The following PLEKHH1 variants were observed in gnomAD, a reference collection of about 807,000 sequenced individuals.
PLEKHH1 encodes pleckstrin homology domain-containing family H member 1.
In PLEKHH1, 104 loss-of-function variants were observed where a neutral mutation model predicts 160.0. That is an observed-to-expected ratio of 0.65 (90% CI 0.55 to 0.76). PLEKHH1 has a LOEUF of 0.76. Among genes scored for constraint, PLEKHH1 ranks in the 30% least tolerant of loss-of-function variants. The probability of loss-of-function intolerance (pLI) is 0.00; values close to 1 mark genes in which losing one functional copy is unlikely to be tolerated. For missense variants in PLEKHH1, 1,427 were observed against 1,724.1 expected (o/e 0.83, Z 3.05); for synonymous variants, 619 against 678.4 (o/e 0.91, Z 1.36).
chr14:67,585,635 T>C lies in PLEKHH1; in HGVS notation c.3767T>C (p.Ile1256Thr). ...WIAVNEDGVS[I>T]LDHNTMQVHI... ...GCTGTGAATGAGGATGGCGTCAGCA[T>C]CCTGGACCACAACACTATGGTATGA... The change falls in exon 27 of 29, where the codon ATC becomes ACC. Residue 1256 changes from isoleucine to threonine, a missense_variant. Ile to Thr is a moderately conservative substitution (Grantham distance 89, BLOSUM62 -1). This residue lies in a region of PLEKHH1 where 56 missense variants were observed against 53.0 expected (regional missense o/e 1.06). Transcript: ENST00000329153. 6.4e-7 allele frequency: 1 copy of C among 1,573,536 alleles called. No individual in the cohort carries two copies. The highest frequency in any genetic ancestry group is 8.6e-7 in the Non-Finnish European group (1 of 1,157,562).
In PLEKHH1 at chr14:67,576,878, G is replaced by T. The variant is rs2035645131; in HGVS notation, c.2461+375G>T. Among the ~76,000 whole-genome samples, 1 of 152,184 alleles carries T rather than the reference G, an allele frequency of 6.6e-6. No individual in the cohort carries two copies. Among genetic ancestry groups the T allele is most frequent in the South Asian group, 2.1e-4 (1 of 4,822 alleles). Reference sequence around the variant, plus strand: ...TTGGGATCGGACTAACCTGTTTGGAGTCTTTCTTTTGCTACTGATTATCAG... The same window carrying T: ...TTGGGATCGGACTAACCTGTTTGGATTCTTTCTTTTGCTACTGATTATCAG... On this transcript the variant is annotated intron_variant, in intron 17 of 28. Transcript: ENST00000329153. The surrounding 1 kb of genome is among the most constrained non-coding windows in gnomAD (Gnocchi z 4.0).
intron 1 of PLEKHH1, among the ~76,000 whole-genome samples, chr14:67,538,677 C>G (rs2033842770): frequency 6.6e-6 from 1 of 152,102 alleles, no homozygotes; most frequent in Non-Finnish European, 1.5e-5. Context: ...TATTTCAAAA[C>G]CTCTCTGCTC....
chr14:67,572,082 C>T (rs775033420), intron 10 of PLEKHH1, 53 bp from the exon 11 acceptor site: 43 of 1,563,976 alleles, frequency 2.7e-5, no homozygotes, highest in Admixed American at 3.7e-5. Flanking sequence ...TCCTGGGCTG[C>T]GTGAGTCGGG....
At chr14:67,559,282 CCT>C (rs1213325079) in intron 4 of PLEKHH1, among the ~76,000 whole-genome samples, 7 of 152,104 alleles carry the variant, frequency 4.6e-5, no homozygotes, top group Non-Finnish European at 1.0e-4. Flanking sequence ...TGACAAGTCA[CCT>C]CTCTCTCCCT....
chr14:67,587,427 A>G lies in PLEKHH1; in HGVS notation c.*192A>G, dbSNP rs2036223900. 1 of 636,362 alleles carries G rather than the reference A, an allele frequency of 1.6e-6. No individual in the cohort carries two copies. The highest frequency in any genetic ancestry group is 2.8e-5 in the Admixed American group (1 of 35,558). The allele number at this position is 636,362 out of a possible 1,614,324, so 39.4% of individuals were successfully genotyped here. ...AATGTTTCAGGGCTCAACTTTTTAAAATCCAGACCCAGTGTTAAAACCATT... is the reference window on the plus strand; with the variant it reads ...AATGTTTCAGGGCTCAACTTTTTAAGATCCAGACCCAGTGTTAAAACCATT... On this transcript the variant is annotated 3_prime_UTR_variant, in exon 29 of 29. Coordinates refer to ENST00000329153, the MANE Select transcript of PLEKHH1 (RefSeq NM_020715.3).
Position 67,541,967 on chromosome 14 carries a change from A to G in PLEKHH1, c.100A>G (p.Lys34Glu). 3.1e-6 allele frequency: 5 copies of G among 1,607,530 alleles called. No homozygotes were observed. The highest frequency in any genetic ancestry group is 3.4e-6 in the Non-Finnish European group (4 of 1,177,206). Reference protein sequence around the residue: ...QLFRFRLQASKIRELLADKMQ... With the variant: ...QLFRFRLQASEIRELLADKMQ... ...TTTCCGGTTCCGCCTACAGGCCAGC[A>G]AGATAAGGGAGCTGCTGGCTGACAA... Residue 34 changes from lysine to glutamate, a missense_variant, in exon 2 of 29, where the codon AAG becomes GAG. Coordinates refer to ENST00000329153, the MANE Select transcript of PLEKHH1 (RefSeq NM_020715.3).
In PLEKHH1 at chr14:67,589,294, A is replaced by AACTT; in HGVS notation, c.*2061_*2064dup. ...TTATTAATCTTATACAGAAGAAACT[A>AACTT]ACTTAGAAACAAAGGATTCAATATT... On this transcript the variant is annotated 3_prime_UTR_variant, in exon 29 of 29. Coordinates refer to ENST00000329153, the MANE Select transcript of PLEKHH1 (RefSeq NM_020715.3). 1 of 957,066 alleles carries AACTT rather than the reference A, an allele frequency of 1.0e-6. No homozygotes were observed. Among genetic ancestry groups the AACTT allele is most frequent in the South Asian group, 4.8e-5 (1 of 20,704 alleles). 59.3% of individuals were successfully genotyped at this position (957,066 alleles called of 1,614,324 possible). A position where few individuals can be genotyped will look rare whatever the true frequency, so the allele number is the denominator to read the frequency against.
intron 2 of PLEKHH1, among the ~76,000 whole-genome samples, chr14:67,550,499 T>C (rs1191711783): frequency 6.6e-6 from 1 of 152,224 alleles, no homozygotes; most frequent in Non-Finnish European, 1.5e-5. Flanking sequence ...AAAACAATTG[T>C]CTTTGATAAC....
Position 67,578,273 on chromosome 14 carries a change from G to T in PLEKHH1, c.2751+74G>T. ...TGCCAGGTGGGAAAGGTGGGAGGAG[G>T]TGACTGGGCAGGTATACGGTGAGCC... On this transcript the variant is annotated intron_variant, in intron 19 of 28. Transcript: ENST00000329153. This position sits in a 1 kb window ranked among gnomAD's most constrained non-coding sequence, Gnocchi z 5.0. The T allele has an allele frequency of 7.3e-7, 1 of 1,372,716 alleles. No individual in the cohort carries two copies. Among genetic ancestry groups the T allele is most frequent in the African/African-American group, 1.4e-5 (1 of 70,768 alleles). 85.0% of individuals were successfully genotyped at this position (1,372,716 alleles called of 1,614,324 possible). A position where few individuals can be genotyped will look rare whatever the true frequency, so the allele number is the denominator to read the frequency against.
rs763803467 is a variant in PLEKHH1, at chr14:67,579,713, C to A, written c.3028-8C>A. On this transcript the variant is annotated splice_polypyrimidine_tract_variant and splice_region_variant and intron_variant, in intron 21 of 28. Coordinates refer to ENST00000329153, the MANE Select transcript of PLEKHH1 (RefSeq NM_020715.3). ...TCACTCAGGGTTGGAACTCTTCTCC[C>A]GCCTCAGGTGGTTGGTTTTGACGGC... 1.9e-6 allele frequency: 3 copies of A among 1,611,252 alleles called. No individual in the cohort carries two copies. The highest frequency in any genetic ancestry group is 1.3e-5 in the African/African-American group (1 of 75,002).
At chr14:67,557,671 A>G (rs1291134284) in intron 4 of PLEKHH1, among the ~76,000 whole-genome samples, 1 of 152,250 alleles carries the variant, frequency 6.6e-6, no homozygotes, top group African/African-American at 2.4e-5. Flanking sequence ...GCCCACCTCT[A>G]GCACCTGCTG....
Position 67,576,400 on chromosome 14 carries a change from G to A in PLEKHH1, c.2358G>A (p.Thr786=), listed in dbSNP as rs765887448. The A allele has an allele frequency of 5.0e-6, 8 of 1,593,848 alleles. No individual in the cohort carries two copies. Among genetic ancestry groups the A allele is most frequent in the East Asian group, 2.2e-5 (1 of 44,710 alleles). The change falls in exon 17 of 29, where the codon ACG becomes ACA. Residue 786 remains threonine (T), a synonymous_variant. Transcript: ENST00000329153. This position sits in a 1 kb window ranked among gnomAD's most constrained non-coding sequence, Gnocchi z 4.0. ...GGCTTTCCGCCCTCTTCCAGGATAC[G>A]TGGCTCTACCACCTCACAGTGGCTG... ...LLIGTKHEKD[T]WLYHLTVAAG...
At chr14:67,575,534 C>A in intron 15 of PLEKHH1, 62 bp downstream of exon 15, 1 of 1,056,640 alleles carries the variant, frequency 9.5e-7, no homozygotes, top group Non-Finnish European at 1.4e-6. Flanking sequence ...ATGACTGCCA[C>A]TCTATGTCCT....
intron 5 of PLEKHH1, among the ~76,000 whole-genome samples, 173 bp from the exon 6 acceptor site, chr14:67,561,781 G>C: frequency 6.6e-6 from 1 of 151,050 alleles, no homozygotes; most frequent in South Asian, 2.1e-4. Flanking sequence ...GAGGTGGGAG[G>C]ATCAGTTGGG....
In PLEKHH1 at chr14:67,557,525, G is replaced by A. The variant is rs76161715; in HGVS notation, c.339+107G>A. ...CAAGCCCTCTAGTGCTGGGGAACTCGCTCCCTCCTGAGCCTATTCTTTTAT... is the reference window on the plus strand; with the variant it reads ...CAAGCCCTCTAGTGCTGGGGAACTCACTCCCTCCTGAGCCTATTCTTTTAT... On this transcript the variant is annotated intron_variant, in intron 4 of 28. Coordinates refer to ENST00000329153, the MANE Select transcript of PLEKHH1 (RefSeq NM_020715.3). The A allele has an allele frequency of 2.4e-3, 2,392 of 976,764 alleles. 39 individuals are homozygous for A. In the African/African-American group the frequency reaches 0.033, roughly 14 times the overall value. 60.5% of individuals were successfully genotyped at this position (976,764 alleles called of 1,614,324 possible). A position where few individuals can be genotyped will look rare whatever the true frequency, so the allele number is the denominator to read the frequency against.
At chr14:67,586,429 C>T in intron 28 of PLEKHH1, 2 of 1,327,726 alleles carry the variant, frequency 1.5e-6, no homozygotes, top group Non-Finnish European at 2.0e-6. Flanking sequence ...TGCAGCAGTC[C>T]TCAAGGCAGG....
chr14:67,586,116 A>G lies in PLEKHH1; in HGVS notation c.3933+19A>G. 6.2e-7 allele frequency: 1 copy of G among 1,613,000 alleles called. No homozygotes were observed. The highest frequency in any genetic ancestry group is 8.5e-7 in the Non-Finnish European group (1 of 1,179,526). On this transcript the variant is annotated intron_variant, in intron 28 of 28. Transcript: ENST00000329153. ...TCCCAAGGTAGGTCTGACAGCTGTT[A>G]AAACGTTCTACTCTGGCAAGATGTG...
intron 1 of PLEKHH1, among the ~76,000 whole-genome samples, chr14:67,538,352 G>A (rs1275326959): frequency 6.6e-6 from 1 of 152,216 alleles, no homozygotes; most frequent in African/African-American, 2.4e-5. Context: ...AGTCACAGAT[G>A]TGATGAGTTT....
rs368951410 is a variant in PLEKHH1 at position 67,569,874 on chromosome 14, C to T, written c.1343-47C>T. On this transcript the variant is annotated intron_variant, in intron 8 of 28. Coordinates refer to ENST00000329153, the MANE Select transcript of PLEKHH1 (RefSeq NM_020715.3). ...GTTCTCTGCTTCCCCCACACCCCTT[C>T]CTGGGTTATGCCCTTGAGTAATCTC... 103 of 1,253,688 alleles carry T rather than the reference C, an allele frequency of 8.2e-5. 1 individual carries two copies. The Middle Eastern group carries it at 2.4e-3, about 29-fold the overall frequency. 77.7% of individuals were successfully genotyped at this position (1,253,688 alleles called of 1,614,324 possible). A position where few individuals can be genotyped will look rare whatever the true frequency, so the allele number is the denominator to read the frequency against.
Sources: gnomAD v4.1 joint callset for allele counts (sites outside exome capture counted in the v4.1 genomes callset) on GRCh38, gnomAD v4.1.1 for gene constraint, gnomAD v4.1.1 regional missense constraint, Gnocchi (gnomAD v3.1) non-coding constraint, MANE v1.5 for transcripts, NCBI Gene and HGNC (gene_info 2026-07-23, HGNC 2026-07-21) for gene names.